Variants in SF3B2 observed in about 807,000 individuals in gnomAD.
SF3B2 encodes SAP 145.
SF3B2 carries 22 observed loss-of-function variants against 116.3 expected under a neutral mutation model. The observed-to-expected ratio is 0.19, with a 90% CI of 0.14 to 0.27. The LOEUF (loss-of-function observed/expected upper bound fraction) is 0.27, where lower values mean the gene tolerates loss of function less well. Among genes scored for constraint, SF3B2 ranks in the 10% least tolerant of loss-of-function variants. SF3B2 has a pLI of 1.00. For missense variants in SF3B2, 767 were observed against 1,151.4 expected (o/e 0.67, Z 4.83); for synonymous variants, 406 against 421.6 (o/e 0.96, Z 0.45).
intron 6 of SF3B2, 128 bp downstream of exon 6, chr11:66,057,083 C>T (rs1005083444): frequency 2.4e-6 from 2 of 831,128 alleles, no homozygotes; most frequent in African/African-American, 1.7e-5. Context: ...GTTTTTTACA[C>T]ACTGAACACA....
At chr11:66,061,811 G>C in intron 15 of SF3B2, 36 bp downstream of exon 15, 1 of 1,606,684 alleles carries the variant, frequency 6.2e-7, no homozygotes, top group Non-Finnish European at 8.5e-7. Context: ...AAGCAGCGAA[G>C]AGGCTGGTGG....
intron 4 of SF3B2, 44 bp from the exon 5 acceptor site, chr11:66,055,491 G>T (rs371966257): frequency 3.7e-6 from 6 of 1,610,376 alleles, no homozygotes; most frequent in Non-Finnish European, 5.1e-6. Flanking sequence ...GCAGATTGGC[G>T]TGTTGGGTAT....
intron 19 of SF3B2, chr11:66,067,208 A>G (rs1857203374): frequency 3.6e-6 from 1 of 275,152 alleles, no homozygotes; most frequent in African/African-American, 2.2e-5. Context: ...AGAAAAATAA[A>G]GAAGGGTACT....
intron 7 of SF3B2, 139 bp downstream of exon 7, chr11:66,057,514 A>G (rs1857023000): frequency 1.6e-6 from 1 of 628,598 alleles, no homozygotes; most frequent in Admixed American, 2.9e-5. Context: ...TTCTTATTTA[A>G]ACTAAGGGTA....
chr11:66,058,187 C>A, intron 8 of SF3B2, 37 bp downstream of exon 8: 1 of 1,593,060 alleles, frequency 6.3e-7, no homozygotes, highest in Non-Finnish European at 8.6e-7. Flanking sequence ...AGCCACAGAA[C>A]CTGGAGAGGC....
chr11:66,062,284 T>G (rs1857111978), intron 16 of SF3B2, among the ~76,000 whole-genome samples: 1 of 152,108 alleles, frequency 6.6e-6, no homozygotes, highest in African/African-American at 2.4e-5. Context: ...CCAAATTCAC[T>G]GTTTGGTGAA....
At chr11:66,057,101 AACCAGC>A in intron 6 of SF3B2, 146 bp downstream of exon 6, 2 of 843,000 alleles carry the variant, frequency 2.4e-6, no homozygotes, top group Non-Finnish European at 4.1e-6. Context: ...ACACCTGTAC[AACCAGC>A]ACCTGGACCA....
At chr11:66,066,926 A>G (rs990175049) in intron 19 of SF3B2, 1 of 158,522 alleles carries the variant, frequency 6.3e-6, no homozygotes, top group African/African-American at 2.4e-5. Context: ...CTCCCAACTC[A>G]CGGAGTCCTC....
chr11:66,056,481 A>G (rs1299013588), intron 5 of SF3B2, among the ~76,000 whole-genome samples: 2 of 148,286 alleles, frequency 1.3e-5, no homozygotes, highest in African/African-American at 4.9e-5. Flanking sequence ...CTGGATCTTG[A>G]GGGGTGGATA....
chr11:66,059,468 C>T lies in SF3B2; in HGVS notation c.1321-47C>T, dbSNP rs746754303. The T allele has an allele frequency of 3.2e-5, 51 of 1,611,174 alleles. No individual in the cohort carries two copies. The East Asian group carries it at 1.1e-3, about 35-fold the overall frequency. On this transcript the variant is annotated intron_variant, in intron 11 of 21. Transcript: ENST00000322535. The surrounding 1 kb of genome is among the most constrained non-coding windows in gnomAD (Gnocchi z 5.0). ...AAGGTTGGGGTGGGTTGGGCAGTTT[C>T]ATTCACATCTGAGTCCTGCTTAAAA...
chr11:66,069,290 G>T lies in SF3B2; in HGVS notation c.*545G>T, dbSNP rs1212195414. ...ACCTGTGCGACAACATAGCTCAAAAGCTAAATTGTCTTGAGTCCATATGAA... is the reference window on the plus strand; with the variant it reads ...ACCTGTGCGACAACATAGCTCAAAATCTAAATTGTCTTGAGTCCATATGAA... On this transcript the variant is annotated 3_prime_UTR_variant, in exon 22 of 22. Transcript: ENST00000322535. 6.9e-6 allele frequency: 3 copies of T among 433,856 alleles called. No homozygotes were observed. Among genetic ancestry groups the T allele is most frequent in the Non-Finnish European group, 1.4e-5 (3 of 209,794 alleles). The allele number at this position is 433,856 out of a possible 1,614,324, so 26.9% of individuals were successfully genotyped here.
chr11:66,059,092 G>T lies in SF3B2; in HGVS notation c.1182+47G>T. On this transcript the variant is annotated intron_variant, in intron 10 of 21. Coordinates refer to ENST00000322535, the MANE Select transcript of SF3B2 (RefSeq NM_006842.3). This position sits in a 1 kb window ranked among gnomAD's most constrained non-coding sequence, Gnocchi z 5.0. ...AAGGGGCAGTGCCAAACAGGGAAGG[G>T]GCTCAGAGGTGGGTGAGAGGCAGCG... 2 of 1,608,356 alleles carry T rather than the reference G, an allele frequency of 1.2e-6. No individual in the cohort carries two copies. The highest frequency in any genetic ancestry group is 8.5e-7 in the Non-Finnish European group (1 of 1,175,590).
chr11:66,067,671 T>C (rs945512716), intron 19 of SF3B2: 1 of 497,070 alleles, frequency 2.0e-6, no homozygotes, highest in African/African-American at 1.9e-5. Context: ...TCTCTGACCT[T>C]TTGACCCTTA....
chr11:66,062,376 C>T (rs947386159), intron 16 of SF3B2, among the ~76,000 whole-genome samples: 1 of 151,688 alleles, frequency 6.6e-6, no homozygotes, highest in African/African-American at 2.4e-5. Flanking sequence ...TGTCTCAACA[C>T]CTGTAATCCC....
In SF3B2 at chr11:66,063,792, CTGT is replaced by C. The variant is rs370992930; in HGVS notation, c.2330+68_2330+70del. 115 of 1,316,398 alleles carry C rather than the reference CTGT, an allele frequency of 8.7e-5. 1 individual carries two copies. Among genetic ancestry groups the C allele is most frequent in the East Asian group, 7.1e-4 (30 of 42,406 alleles). 81.5% of individuals were successfully genotyped at this position (1,316,398 alleles called of 1,614,324 possible). ...CACTTCCCTTTGGCTGGCTGGCTGACTGTTGTTCCTTTCTCCCTCATCCTTTTT... is the reference window on the plus strand; with the variant it reads ...CACTTCCCTTTGGCTGGCTGGCTGACTGTTCCTTTCTCCCTCATCCTTTTT... On this transcript the variant is annotated intron_variant, in intron 19 of 21. Transcript: ENST00000322535.
At chr11:66,054,956 G>A in intron 3 of SF3B2, 120 bp from the exon 4 acceptor site, 1 of 932,766 alleles carries the variant, frequency 1.1e-6, no homozygotes, top group Middle Eastern at 2.3e-4. Flanking sequence ...CTCTTATGGA[G>A]TGGTAACTAT....
intron 19 of SF3B2, chr11:66,064,875 G>A (rs1857155194): frequency 6.6e-6 from 1 of 152,136 alleles, no homozygotes; most frequent in Non-Finnish European, 1.5e-5. Context: ...AATTTGTTCT[G>A]CTTGAGTAGT....
At chr11:66,060,840 T>C in intron 14 of SF3B2, 109 bp downstream of exon 14, 3 of 1,252,230 alleles carry the variant, frequency 2.4e-6, no homozygotes, top group Non-Finnish European at 3.4e-6. Flanking sequence ...CACCCTGTTA[T>C]CCAGGCTGGA....
At chr11:66,066,203 A>G (rs1239435153) in intron 19 of SF3B2, 2 of 152,202 alleles carry the variant, frequency 1.3e-5, no homozygotes, top group Non-Finnish European at 2.9e-5. Flanking sequence ...ATTGTCTGCT[A>G]ACTCTAACAT....
Sources: allele counts gnomAD v4.1 joint callset (sites outside exome capture counted in the v4.1 genomes callset), GRCh38; gene constraint gnomAD v4.1.1; non-coding constraint Gnocchi (gnomAD v3.1); transcripts MANE v1.5; gene names NCBI Gene and HGNC (gene_info 2026-07-23, HGNC 2026-07-21).